The following FER1L6 variants were observed in gnomAD, a reference collection of about 807,000 sequenced individuals.
FER1L6 encodes the protein fer-1 like family member 6, also known as fer-1-like protein 6.
A neutral mutation model predicts 219.2 loss-of-function variants in FER1L6; 177 were observed. The observed-to-expected ratio is 0.81, with a 90% CI of 0.71 to 0.91. The LOEUF (loss-of-function observed/expected upper bound fraction) is 0.91. FER1L6 is among the 40% of genes least tolerant of loss of function. FER1L6 has a pLI of 0.00. For synonymous variants in FER1L6, 768 were observed against 824.3 expected (o/e 0.93, Z 1.17); for missense variants, 2,153 against 2,259.9 (o/e 0.95, Z 0.96).
intron 18 of FER1L6, among the ~76,000 whole-genome samples, chr8:124,027,926 C>G (rs549470331): frequency 9.3e-4 from 141 of 152,318 alleles, no homozygotes; most frequent in African/African-American, 3.1e-3. Flanking sequence ...TCACCCAAGT[C>G]ATTCACCACA....
intron 11 of FER1L6, chr8:123,984,430 G>A (rs775439585): frequency 3.9e-5 from 6 of 152,212 alleles, no homozygotes; most frequent in South Asian, 2.1e-4. Flanking sequence ...TATTTTTAGC[G>A]ACAGAGTCTT....
intron 1 of FER1L6, among the ~76,000 whole-genome samples, chr8:123,860,235 G>GT (rs1816723790): frequency 1.2e-5 from 1 of 83,814 alleles, no homozygotes; most frequent in African/African-American, 5.4e-5. Context: ...GCGGTGTTTG[G>GT]TTTTTTGTTC....
At chr8:123,913,395 TAA>T (rs1404346404) in intron 1 of FER1L6, among the ~76,000 whole-genome samples, 1 of 152,198 alleles carries the variant, frequency 6.6e-6, no homozygotes, top group Non-Finnish European at 1.5e-5. Flanking sequence ...CCACAATTCC[TAA>T]GAGAAAGAAA....
chr8:124,013,358 A>T (rs1352142629), intron 14 of FER1L6, 73 bp from the exon 15 acceptor site: 1 of 798,278 alleles, frequency 1.3e-6, no homozygotes. Flanking sequence ...TTTCTAGTAC[A>T]TTATAATTAG....
At chr8:123,933,541 G>A (rs1052105758) in intron 1 of FER1L6, among the ~76,000 whole-genome samples, 4 of 152,208 alleles carry the variant, frequency 2.6e-5, no homozygotes, top group Admixed American at 2.6e-4. Context: ...GCACACACAT[G>A]TGAGTGCATG....
chr8:124,022,919 A>T (rs117607574), intron 17 of FER1L6, among the ~76,000 whole-genome samples: 12 of 31,428 alleles, frequency 3.8e-4, no homozygotes, highest in African/African-American at 8.4e-4. Context: ...TTATTTATTT[A>T]TTTTTTTTTT....
chr8:123,905,553 A>T (rs1812936710), intron 1 of FER1L6, among the ~76,000 whole-genome samples: 1 of 152,170 alleles, frequency 6.6e-6, no homozygotes, highest in Non-Finnish European at 1.5e-5. Flanking sequence ...GTAGCAGAAG[A>T]ATACAGGACC....
intron 39 of FER1L6, among the ~76,000 whole-genome samples, chr8:124,108,224 C>T (rs1586352477): frequency 6.6e-6 from 1 of 152,124 alleles, no homozygotes; most frequent in African/African-American, 2.4e-5. Context: ...TCCTGGATTC[C>T]ATCCTTTAAT....
intron 1 of FER1L6, among the ~76,000 whole-genome samples, chr8:123,944,849 A>G (rs1814415838): frequency 6.6e-6 from 1 of 152,032 alleles, no homozygotes; most frequent in Admixed American, 6.6e-5. Flanking sequence ...TATGAATAGG[A>G]CCTGTAGGCA....
chr8:123,939,820 C>T (rs1411410071), intron 1 of FER1L6, among the ~76,000 whole-genome samples: 1 of 152,190 alleles, frequency 6.6e-6, no homozygotes, highest in Non-Finnish European at 1.5e-5. Context: ...TTTCCAGTTG[C>T]ACCCCTTGTT....
chr8:123,986,296 A>T, intron 12 of FER1L6, 120 bp downstream of exon 12: 1 of 616,170 alleles, frequency 1.6e-6, no homozygotes, highest in Non-Finnish European at 2.9e-6. Context: ...TGCATCTCAG[A>T]ATGAGATGAA....
chr8:123,862,329 C>T (rs376262509), intron 1 of FER1L6, among the ~76,000 whole-genome samples: 1 of 118,270 alleles, frequency 8.5e-6, no homozygotes. Context: ...GGGATGAAGC[C>T]CACTTGATCA....
Position 124,111,408 on chromosome 8 carries a change from C to A in FER1L6, c.5290-7436C>A, listed in dbSNP as rs143054310. Among the ~76,000 whole-genome samples the A allele has an allele frequency of 9.1e-4, 138 of 152,334 alleles. 1 individual carries two copies. Among genetic ancestry groups the A allele is most frequent in the African/African-American group, 3.1e-3 (127 of 41,574 alleles). On this transcript the variant is annotated intron_variant, in intron 39 of 40. Transcript: ENST00000522917. The surrounding 1 kb of genome is among the most constrained non-coding windows in gnomAD (Gnocchi z 5.0). ...GCAGAAGGGATGTATTCCAGCTACC[C>A]TTGTCCTCTTGTTATAGGAAAGGGG...
intron 12 of FER1L6, among the ~76,000 whole-genome samples, chr8:123,995,252 G>A (rs983190113): frequency 6.6e-6 from 1 of 152,166 alleles, no homozygotes; most frequent in Non-Finnish European, 1.5e-5. Flanking sequence ...GAAAAAACTT[G>A]TGTTTTTCTT....
chr8:123,917,860 T>C (rs1813233773), intron 1 of FER1L6, among the ~76,000 whole-genome samples: 1 of 152,248 alleles, frequency 6.6e-6, no homozygotes. Context: ...GGAAAATGAC[T>C]GAAAAGTTTA....
Position 124,062,024 on chromosome 8 carries a change from C to T in FER1L6, c.3320C>T (p.Pro1107Leu), listed in dbSNP as rs2130831810. The T allele has an allele frequency of 6.2e-7, 1 of 1,614,110 alleles. No homozygotes were observed. The highest frequency in any genetic ancestry group is 8.5e-7 in the Non-Finnish European group (1 of 1,179,962). ...ATCACACAGGTGGATGGAACCCAGC[C>T]TGGGCACGGTGAGAAGCTGCTCTTA... ...APITQVDGTQ[P>L]GHDISDSLTA... is the part of the protein sequence containing the mutation. Residue 1107 changes from proline to leucine, a missense_variant, in exon 25 of 41, where the codon CCT (proline) becomes CTT (leucine). Transcript: ENST00000522917.
intron 1 of FER1L6, among the ~76,000 whole-genome samples, chr8:123,933,742 A>C (rs779594602): frequency 9.8e-5 from 15 of 152,346 alleles, no homozygotes; most frequent in Non-Finnish European, 1.9e-4. Context: ...GAACCAAGGC[A>C]CTGTGGTCAT....
chr8:123,867,597 C>A (rs1816857475), intron 1 of FER1L6, among the ~76,000 whole-genome samples: 1 of 152,132 alleles, frequency 6.6e-6, no homozygotes. Context: ...TGAGAACAAT[C>A]TCTTAGTACC....
At chr8:124,008,386 C>T (rs10094301) in intron 13 of FER1L6, among the ~76,000 whole-genome samples, 7,204 of 152,254 alleles carry the variant, frequency 0.047, 378 homozygotes, top group African/African-American at 0.12. Context: ...TTTTTCCAAT[C>T]GTAAATTGTG....
Sources: allele counts gnomAD v4.1 joint callset (sites outside exome capture counted in the v4.1 genomes callset), GRCh38; gene constraint gnomAD v4.1.1; non-coding constraint Gnocchi (gnomAD v3.1); transcripts MANE v1.5; gene names NCBI Gene and HGNC (gene_info 2026-07-23, HGNC 2026-07-21).